The following GPHN variants were observed in gnomAD, a reference collection of about 807,000 sequenced individuals.
GPHN encodes the protein gephyrin.
In GPHN, 17 loss-of-function variants were observed where a neutral mutation model predicts 95.5. The ratio of observed to expected loss-of-function variants is 0.18; its 90% CI spans 0.12 to 0.27. GPHN has a LOEUF of 0.27. Among genes scored for constraint, GPHN ranks in the 10% least tolerant of loss-of-function variants. The pLI is 1.00. For missense variants in GPHN, 660 were observed against 978.1 expected (o/e 0.67, Z 4.34); for synonymous variants, 320 against 322.5 (o/e 0.99, Z 0.08).
intron 1 of GPHN, among the ~76,000 whole-genome samples, chr14:66,552,962 T>C (rs535441903): frequency 2.2e-3 from 339 of 151,882 alleles, no homozygotes; most frequent in African/African-American, 7.7e-3. Flanking sequence ...TTGGCTAAAC[T>C]TCTTTTTTTT....
chr14:66,632,479 A>G (rs1297376907), intron 1 of GPHN, among the ~76,000 whole-genome samples: 1 of 147,148 alleles, frequency 6.8e-6, no homozygotes, highest in Non-Finnish European at 1.5e-5. Flanking sequence ...TTCCTTTCTT[A>G]CAATACATTC....
intron 1 of GPHN, among the ~76,000 whole-genome samples, chr14:66,597,861 C>G (rs895031347): frequency 6.6e-6 from 1 of 152,148 alleles, no homozygotes; most frequent in South Asian, 2.1e-4. Flanking sequence ...TTCCAATAGC[C>G]AAGATGTGGA....
chr14:66,810,487 A>G (rs982691632), intron 3 of GPHN, among the ~76,000 whole-genome samples: 3 of 152,070 alleles, frequency 2.0e-5, no homozygotes, highest in Admixed American at 6.5e-5. Context: ...GAAAATTGAC[A>G]TTATGTGTGA....
the GPHN span, among the ~76,000 whole-genome samples, chr14:67,368,532 A>C: frequency 6.6e-6 from 1 of 152,198 alleles, no homozygotes; most frequent in Non-Finnish European, 1.5e-5. Context: ...CTCTGTGATT[A>C]ATGGATGCCA....
chr14:66,909,982 T>C lies in GPHN; in HGVS notation c.390-6021T>C, dbSNP rs577727417. On this transcript the variant is annotated intron_variant, in intron 5 of 22. Coordinates refer to ENST00000478722, the MANE Select transcript of GPHN (RefSeq NM_020806.5). Reference sequence around the variant, plus strand: ...AATTTCATATTTACTGTTTATTTCATGATGTAGAGATTGTAACTGTAACAG... The same window carrying C: ...AATTTCATATTTACTGTTTATTTCACGATGTAGAGATTGTAACTGTAACAG... 9.2e-4 allele frequency among the ~76,000 whole-genome samples: 140 copies of C among 152,120 alleles called. No homozygotes were observed. The Middle Eastern group carries it at 0.01, about 11-fold the overall frequency.
intron 13 of GPHN, among the ~76,000 whole-genome samples, chr14:67,102,939 G>A (rs1342460894): frequency 2.6e-5 from 4 of 152,198 alleles, no homozygotes; most frequent in African/African-American, 9.7e-5. Context: ...CATCCATACT[G>A]CACCAAGCTG....
intron 2 of GPHN, among the ~76,000 whole-genome samples, chr14:66,729,351 C>G (rs942094828): frequency 3.3e-5 from 5 of 152,118 alleles, no homozygotes; most frequent in African/African-American, 1.2e-4. Flanking sequence ...CAAAGTATTT[C>G]AGATAAGGGA....
rs1567400601 is a variant in GPHN, at chr14:67,144,253, ATAT to A, written c.1836+805_1836+807del. On this transcript the variant is annotated intron_variant, in intron 18 of 22. Transcript: ENST00000478722. ...CCCTGTCTTAAAAAAAAAAAAAAAT[ATAT>A]ATATATATATATATATATATATATA... Among the ~76,000 whole-genome samples the A allele has an allele frequency of 3.2e-3, 147 of 46,436 alleles. 4 individuals carry two copies. The highest frequency in any genetic ancestry group is 5.8e-3 in the South Asian group (8 of 1,390). The allele number at this position is 46,436 out of a possible 152,430, so 30.5% of individuals were successfully genotyped here.
intron 3 of GPHN, among the ~76,000 whole-genome samples, chr14:66,801,596 C>CCT (rs148122581): frequency 6.4e-5 from 9 of 141,564 alleles, no homozygotes; most frequent in Admixed American, 4.9e-4. Context: ...TCTCTCTCTC[C>CCT]CTCTCTCTCT....
At chr14:67,282,800 A>G in the GPHN span, among the ~76,000 whole-genome samples, 4 of 152,116 alleles carry the variant, frequency 2.6e-5, no homozygotes, top group Non-Finnish European at 4.4e-5. Context: ...AGAGCAAACT[A>G]CCTTGTGAGA....
chr14:66,987,175 C>T (rs191570473), intron 9 of GPHN, among the ~76,000 whole-genome samples: 2 of 152,202 alleles, frequency 1.3e-5, no homozygotes, highest in East Asian at 3.9e-4. Flanking sequence ...GCATTCCTCA[C>T]TGTCTATCTG....
the GPHN span, among the ~76,000 whole-genome samples, chr14:67,708,008 T>C: frequency 1.3e-5 from 2 of 152,228 alleles, no homozygotes; most frequent in African/African-American, 4.8e-5. Context: ...GTTTCTCCAA[T>C]TGTGTCCTGT....
chr14:67,192,713 A>G, the GPHN span, among the ~76,000 whole-genome samples: 1 of 149,396 alleles, frequency 6.7e-6, no homozygotes, highest in Non-Finnish European at 1.5e-5. Context: ...CTGCTGTTTT[A>G]AAAAAAAAAT....
At chr14:66,712,503 A>T (rs2069744298) in intron 2 of GPHN, among the ~76,000 whole-genome samples, 1 of 152,108 alleles carries the variant, frequency 6.6e-6, no homozygotes, top group Non-Finnish European at 1.5e-5. Flanking sequence ...AGATGGGTAG[A>T]TTGCAAAAAT....
At chr14:67,578,093 C>A in the GPHN span, 1 of 1,613,744 alleles carries the variant, frequency 6.2e-7, no homozygotes, top group Non-Finnish European at 8.5e-7. This position sits in a 1 kb window ranked among gnomAD's most constrained non-coding sequence, Gnocchi z 5.0. Flanking sequence ...CTGGCCCAGA[C>A]CGCACTGCAG....
chr14:67,683,371 A>G, the GPHN span, among the ~76,000 whole-genome samples: 89 of 152,216 alleles, frequency 5.8e-4, no homozygotes, highest in Middle Eastern at 0.02. Flanking sequence ...CTATCTTCTT[A>G]TACTTCAGAA....
intron 3 of GPHN, among the ~76,000 whole-genome samples, chr14:66,805,320 A>C (rs998413542): frequency 2.6e-5 from 4 of 152,164 alleles, no homozygotes; most frequent in Non-Finnish European, 5.9e-5. Context: ...CTCCCACAAC[A>C]TGGGGGAATT....
chr14:67,091,483 G>A (rs1354778326), intron 12 of GPHN, among the ~76,000 whole-genome samples: 3 of 151,500 alleles, frequency 2.0e-5, no homozygotes, highest in Non-Finnish European at 4.4e-5. Context: ...AGCCATACAG[G>A]ATTACTATAA....
At chr14:67,272,095 T>A in the GPHN span, 1 of 151,840 alleles carries the variant, frequency 6.6e-6, no homozygotes, top group African/African-American at 2.4e-5. Flanking sequence ...CCTGTCTTAA[T>A]AACCATAGTA....
Sources: allele counts gnomAD v4.1 joint callset (sites outside exome capture counted in the v4.1 genomes callset), GRCh38; gene constraint gnomAD v4.1.1; non-coding constraint Gnocchi (gnomAD v3.1); transcripts MANE v1.5; gene names NCBI Gene and HGNC (gene_info 2026-07-23, HGNC 2026-07-21).